The following SYK variants were observed in gnomAD, a reference collection of about 807,000 sequenced individuals.
SYK encodes tyrosine-protein kinase SYK.
SYK carries 16 observed loss-of-function variants against 77.8 expected under a neutral mutation model. The ratio of observed to expected loss-of-function variants is 0.21; its 90% confidence interval spans 0.14 to 0.31. The LOEUF is 0.31. Ranked by LOEUF, SYK falls within the 10% of genes least tolerant of loss-of-function variation. SYK has a pLI of 1.00. For missense variants in SYK, 529 were observed against 814.4 expected, an observed-to-expected ratio of 0.65 and a Z score of 4.26; for synonymous variants, 312 against 308.7, an observed-to-expected ratio of 1.01 and a Z score of -0.11.
intron 9 of SYK, among the ~76,000 whole-genome samples, chr9:90,875,243 A>T (rs1357497655): frequency 6.7e-6 from 1 of 149,988 alleles, no homozygotes; most frequent in African/African-American, 2.5e-5. Context: ...TACAAAAAAA[A>T]TAAATAAATA....
intron 1 of SYK, among the ~76,000 whole-genome samples, chr9:90,841,183 GTA>G (rs1826303491): frequency 6.6e-6 from 1 of 151,384 alleles, no homozygotes; most frequent in African/African-American, 2.4e-5. Context: ...GTTTTTATGT[GTA>G]GTGTGTAGTA....
In SYK at chr9:90,887,743, T is replaced by G; in HGVS notation, c.1582-6T>G. ...AATGGAATTTCTCCCTCTGCTTTGC[T>G]TTTAGGCCCAGACCCATGGAAAGTG... is the stretch of plus-strand genomic sequence containing the variant. On this transcript the variant is annotated splice_region_variant and splice_polypyrimidine_tract_variant and intron_variant, in intron 11 of 13. Transcript: ENST00000375754. 1 of 1,595,496 alleles carries G rather than the reference T, an allele frequency of 6.3e-7. No individual in the cohort carries two copies. Among genetic ancestry groups the G allele is most frequent in the South Asian group, 1.1e-5 (1 of 89,230 alleles).
At chr9:90,889,589 A>C (rs1828713334) in intron 13 of SYK, among the ~76,000 whole-genome samples, 1 of 152,226 alleles carries the variant, frequency 6.6e-6, no homozygotes, top group Non-Finnish European at 1.5e-5. Context: ...GTGACAGGGA[A>C]ATAATCTCAT....
intron 3 of SYK, among the ~76,000 whole-genome samples, chr9:90,861,243 G>T (rs1382350120): frequency 6.6e-6 from 1 of 152,134 alleles, no homozygotes; most frequent in Non-Finnish European, 1.5e-5. Flanking sequence ...TACGTGGCAT[G>T]CACTGCAGTG....
In SYK at chr9:90,873,999, A is replaced by G. The variant is rs535687979; in HGVS notation, c.916-205A>G. On this transcript the variant is annotated intron_variant, in intron 7 of 13. Transcript: ENST00000375754. ...GAGTCCCTTGAGTTGTAGCAGCACA[A>G]GCTTGCTTTAGCCCTTGCAAGATCC... 6.6e-5 allele frequency among the ~76,000 whole-genome samples: 10 copies of G among 152,326 alleles called. No individual in the cohort carries two copies. In the Middle Eastern group the frequency reaches 0.014, roughly 207 times the overall value.
At position 90,884,747 on chromosome 9, in the gene SYK, A is replaced by G; in HGVS notation, c.1582-3002A>G. 5.2e-5 allele frequency among the ~76,000 whole-genome samples: 2 copies of G among 38,166 alleles called. 1 individual carries two copies. Among genetic ancestry groups the G allele is most frequent in the Non-Finnish European group, 8.2e-5 (2 of 24,378 alleles). The allele number at this position is 38,166 out of a possible 152,430, so 25.0% of individuals were successfully genotyped here. Reference sequence around the variant, plus strand: ...CATATGTGTACATGTACATATACACATATACACATATGTGTACATGCACAT... The same window carrying G: ...CATATGTGTACATGTACATATACACGTATACACATATGTGTACATGCACAT... On this transcript the variant is annotated intron_variant, in intron 11 of 13. Coordinates refer to ENST00000375754, the MANE Select transcript of SYK (RefSeq NM_003177.7).
At chr9:90,856,164 T>C (rs1827029315) in intron 3 of SYK, among the ~76,000 whole-genome samples, 1 of 152,242 alleles carries the variant, frequency 6.6e-6, no homozygotes, top group Non-Finnish European at 1.5e-5. Flanking sequence ...TTTTGCTCTC[T>C]GAGCCTCTGT....
At chr9:90,856,276 G>C (rs372688629) in intron 3 of SYK, among the ~76,000 whole-genome samples, 2 of 152,172 alleles carry the variant, frequency 1.3e-5, no homozygotes, top group East Asian at 3.8e-4. Context: ...TCATGTCTCT[G>C]TGGTTCCTAC....
chr9:90,825,105 TAGCACCAAAA>T (rs1825628273), intron 1 of SYK, among the ~76,000 whole-genome samples: 1 of 136,072 alleles, frequency 7.3e-6, no homozygotes, highest in African/African-American at 2.8e-5. Flanking sequence ...CCATGTATAA[TAGCACCAAAA>T]AGACAAAAAA....
chr9:90,833,397 A>T (rs1564079812), intron 1 of SYK, among the ~76,000 whole-genome samples: 1 of 152,246 alleles, frequency 6.6e-6, no homozygotes, highest in African/African-American at 2.4e-5. Context: ...ACAAAAAAAC[A>T]GAACTAAAAC....
At chr9:90,809,793 A>G (rs1267911833) in intron 1 of SYK, among the ~76,000 whole-genome samples, 2 of 152,096 alleles carry the variant, frequency 1.3e-5, no homozygotes, top group Non-Finnish European at 2.9e-5. Flanking sequence ...TCAGACCTCC[A>G]TGTCTGTGGC....
chr9:90,859,014 C>G (rs1047820562), intron 3 of SYK, among the ~76,000 whole-genome samples: 11 of 152,248 alleles, frequency 7.2e-5, no homozygotes, highest in African/African-American at 2.7e-4. Context: ...AGGGCACTCT[C>G]TGTTTCCTCT....
chr9:90,855,666 A>ATG (rs9299433), intron 3 of SYK, among the ~76,000 whole-genome samples: 28,840 of 148,596 alleles, frequency 0.19, 2,822 homozygotes, highest in South Asian at 0.36. Flanking sequence ...TTGAGTGAAT[A>ATG]TGTGTGTGTG....
At chr9:90,809,569 G>C (rs562076635) in intron 1 of SYK, among the ~76,000 whole-genome samples, 3 of 152,314 alleles carry the variant, frequency 2.0e-5, no homozygotes, top group East Asian at 1.9e-4. Flanking sequence ...CACAAAACTT[G>C]TTTTGATCTT....
chr9:90,824,752 A>C (rs78743550), intron 1 of SYK, among the ~76,000 whole-genome samples: 7 of 151,952 alleles, frequency 4.6e-5, no homozygotes, highest in Non-Finnish European at 4.4e-5. Context: ...AAAAAAAAAA[A>C]CCTACAGGTA....
chr9:90,841,832 T>A (rs1216752152), intron 1 of SYK, among the ~76,000 whole-genome samples: 1 of 137,494 alleles, frequency 7.3e-6, no homozygotes, highest in East Asian at 2.1e-4. Context: ...GTGTATGTAG[T>A]TTGTGTGTTG....
intron 1 of SYK, among the ~76,000 whole-genome samples, chr9:90,835,723 C>G (rs1870660): frequency 0.17 from 25,354 of 152,210 alleles, 2,145 homozygotes; most frequent in South Asian, 0.22. Flanking sequence ...CAAGCTCCAT[C>G]TGAAGCAGCC....
Position 90,878,772 on chromosome 9 carries a change from A to C in SYK, c.1400A>C (p.Lys467Thr), listed in dbSNP as rs1332524184. Residue 467 changes from lysine (K) to threonine (T), a missense_variant, in exon 11 of 14, where the codon AAG becomes ACG. Physicochemically the swap from Lys to Thr is moderately conservative, Grantham distance 78. Transcript: ENST00000375754. The part of the protein sequence containing the change: ...NKYLQQNRHV[K>T]DKNIIELVHQ... ...ATCATTATGACTTTCAGACATGTCA[A>C]GGATAAGAACATCATAGAACTGGTT... 2 of 1,605,074 alleles carry C rather than the reference A, an allele frequency of 1.2e-6. No homozygotes were observed. Among genetic ancestry groups the C allele is most frequent in the African/African-American group, 2.7e-5 (2 of 74,846 alleles).
chr9:90,826,435 C>A (rs1825669089), intron 1 of SYK, among the ~76,000 whole-genome samples: 1 of 152,250 alleles, frequency 6.6e-6, no homozygotes, highest in Non-Finnish European at 1.5e-5. Context: ...GTACAGCCAA[C>A]CTCTTCTGTG....
Sources: allele counts gnomAD v4.1 joint callset (sites outside exome capture counted in the v4.1 genomes callset), GRCh38; gene constraint gnomAD v4.1.1; transcripts MANE v1.5; gene names NCBI Gene and HGNC (gene_info 2026-07-23, HGNC 2026-07-21).